SORCS3: variants seen among roughly 807,000 people sequenced by gnomAD.
SORCS3 encodes the protein sortilin related VPS10 domain containing receptor 3.
Under a neutral mutation model 146.3 loss-of-function variants are expected in SORCS3, and 57 were observed. The observed-to-expected ratio is 0.39, with a 90% CI of 0.31 to 0.49. The LOEUF (loss-of-function observed/expected upper bound fraction) is 0.49. Among genes scored for constraint, SORCS3 ranks in the 20% least tolerant of loss-of-function variants. SORCS3 has a pLI of 0.92. For synonymous variants in SORCS3, 653 were observed against 618.5 expected (o/e 1.06, Z -0.83); for missense variants, 1,341 against 1,575.5 (o/e 0.85, Z 2.52).
At chr10:104,731,680 C>T (rs942232968) in intron 1 of SORCS3, among the ~76,000 whole-genome samples, 1 of 152,212 alleles carries the variant, frequency 6.6e-6, no homozygotes, top group African/African-American at 2.4e-5. Flanking sequence ...ATCAACCCTG[C>T]TCCATGGAGC....
At chr10:104,772,409 C>G (rs1589493574) in intron 1 of SORCS3, among the ~76,000 whole-genome samples, 2 of 152,200 alleles carry the variant, frequency 1.3e-5, no homozygotes, top group African/African-American at 4.8e-5. Flanking sequence ...TCTCTGGTGT[C>G]TCTGATTAAG....
chr10:104,812,201 A>G (rs1339190398), intron 1 of SORCS3, among the ~76,000 whole-genome samples: 4 of 152,174 alleles, frequency 2.6e-5, no homozygotes, highest in Non-Finnish European at 1.5e-5. Context: ...ATCTTAGTCC[A>G]GTGATCACTT....
At chr10:104,887,970 G>GT (rs1554857305) in intron 2 of SORCS3, among the ~76,000 whole-genome samples, 6 of 120,556 alleles carry the variant, frequency 5.0e-5, no homozygotes, top group African/African-American at 2.0e-4. Context: ...GGGGGGGCGG[G>GT]GGCGGAGCAA....
intron 5 of SORCS3, among the ~76,000 whole-genome samples, chr10:105,050,052 C>G (rs1008846741): frequency 2.8e-4 from 43 of 152,054 alleles, no homozygotes; most frequent in Admixed American, 2.7e-3. Flanking sequence ...CACACACACA[C>G]ACACACACAT....
intron 14 of SORCS3, 38 bp downstream of exon 14, chr10:105,178,211 A>G: frequency 1.3e-6 from 2 of 1,500,366 alleles, no homozygotes; most frequent in Non-Finnish European, 1.8e-6. Context: ...AGAAGACCAG[A>G]GACACTGGTT....
At chr10:104,649,714 A>G (rs71473527) in intron 1 of SORCS3, among the ~76,000 whole-genome samples, 1,843 of 152,352 alleles carry the variant, frequency 0.012, 8 homozygotes, top group Non-Finnish European at 0.018. Flanking sequence ...GGGGACCTGT[A>G]TTCTTGAAAT....
At chr10:104,884,077 A>G (rs2018658317) in intron 2 of SORCS3, among the ~76,000 whole-genome samples, 1 of 152,154 alleles carries the variant, frequency 6.6e-6, no homozygotes, top group Non-Finnish European at 1.5e-5. Flanking sequence ...AGGGTTATCA[A>G]TGCCTATGGT....
chr10:104,642,022 G>GGGGGGGGGGGGGGCCCA, intron 1 of SORCS3, 68 bp downstream of exon 1: 1 of 173,336 alleles, frequency 5.8e-6, no homozygotes, highest in Non-Finnish European at 1.1e-5. Context: ...GGGTGGGTGG[G>GGGGGGGGGGGGGGCCCA]AGCGAGGGAC....
At chr10:105,103,965 A>G (rs1399417753) in intron 6 of SORCS3, among the ~76,000 whole-genome samples, 7 of 152,216 alleles carry the variant, frequency 4.6e-5, no homozygotes, top group East Asian at 3.8e-4. Flanking sequence ...CTAGTACCCA[A>G]ACAATACCCA....
rs144141621 is a variant in SORCS3, at chr10:104,806,474, A to G, written c.628-36318A>G. 1.5e-4 allele frequency among the ~76,000 whole-genome samples: 23 copies of G among 152,362 alleles called. No individual in the cohort carries two copies. In the East Asian group the frequency reaches 1.9e-3, roughly 13 times the overall value. On this transcript the variant is annotated intron_variant, in intron 1 of 26. Transcript: ENST00000369701. ...ATCAAAACAATTGCTTTGGAAGCCAACGTTGCAAGATGTACCCAAAGCCAC... is the reference window on the plus strand; with the variant it reads ...ATCAAAACAATTGCTTTGGAAGCCAGCGTTGCAAGATGTACCCAAAGCCAC...
At chr10:104,832,750 T>TAAATAAACAAAC (rs58541807) in intron 1 of SORCS3, among the ~76,000 whole-genome samples, 1 of 151,744 alleles carries the variant, frequency 6.6e-6, no homozygotes, top group Admixed American at 6.6e-5. Flanking sequence ...AATAAATAAA[T>TAAATAAACAAAC]GAACGAACGA....
intron 1 of SORCS3, among the ~76,000 whole-genome samples, chr10:104,722,939 T>G (rs1204386680): frequency 6.6e-6 from 1 of 152,222 alleles, no homozygotes; most frequent in Non-Finnish European, 1.5e-5. Flanking sequence ...GCTCCTGTAT[T>G]CATTAATTTT....
intron 1 of SORCS3, among the ~76,000 whole-genome samples, chr10:104,660,425 A>T (rs1381674968): frequency 1.3e-5 from 2 of 152,204 alleles, no homozygotes; most frequent in African/African-American, 4.8e-5. Context: ...GGGACAGAAG[A>T]AAACAGGAAA....
At chr10:104,680,837 T>G (rs537631028) in intron 1 of SORCS3, among the ~76,000 whole-genome samples, 1 of 152,342 alleles carries the variant, frequency 6.6e-6, no homozygotes, top group Admixed American at 6.5e-5. Flanking sequence ...TGGAGAGTTC[T>G]GAATCGCTCC....
At chr10:105,258,951 G>A (rs980214423) in intron 25 of SORCS3, among the ~76,000 whole-genome samples, 1 of 152,138 alleles carries the variant, frequency 6.6e-6, no homozygotes, top group Non-Finnish European at 1.5e-5. Context: ...CAATGCTTAA[G>A]CCCTTTGGTT....
At chr10:104,703,075 G>A (rs1372363127) in intron 1 of SORCS3, among the ~76,000 whole-genome samples, 2 of 152,200 alleles carry the variant, frequency 1.3e-5, no homozygotes, top group Non-Finnish European at 2.9e-5. Flanking sequence ...CAAGAAGTTA[G>A]ATTTTCCTGA....
At chr10:104,834,754 T>C (rs1465151573) in intron 1 of SORCS3, among the ~76,000 whole-genome samples, 1 of 152,068 alleles carries the variant, frequency 6.6e-6, no homozygotes, top group Admixed American at 6.6e-5. Flanking sequence ...GAGGCTGGTT[T>C]GTTTTCTTTA....
chr10:105,170,993 C>A (rs2056354769), intron 13 of SORCS3, among the ~76,000 whole-genome samples: 1 of 152,018 alleles, frequency 6.6e-6, no homozygotes, highest in Non-Finnish European at 1.5e-5. Flanking sequence ...CAGTTCATTG[C>A]CATTTTCTGT....
chr10:104,848,751 C>T (rs2018236496), intron 2 of SORCS3, among the ~76,000 whole-genome samples: 1 of 152,168 alleles, frequency 6.6e-6, no homozygotes, highest in Non-Finnish European at 1.5e-5. Flanking sequence ...TCAACTGAAC[C>T]TATATTAATC....
Sources: allele counts gnomAD v4.1 joint callset (sites outside exome capture counted in the v4.1 genomes callset), GRCh38; gene constraint gnomAD v4.1.1; transcripts MANE v1.5; gene names NCBI Gene and HGNC (gene_info 2026-07-23, HGNC 2026-07-21).